The following NXPE2 variants were observed in gnomAD, a reference collection of about 807,000 sequenced individuals.
NXPE2 encodes neurexophilin and PC-esterase domain family member 2, also known as NXPE family member 2.
A neutral mutation model predicts 34.4 loss-of-function variants in NXPE2; 34 were observed. That is an observed-to-expected ratio of 0.99 (90% confidence interval 0.75 to 1.31). NXPE2 has a LOEUF of 1.31. Ranked by LOEUF, NXPE2 falls within the 40% of genes most tolerant of loss-of-function variation. NXPE2 has a pLI of 0.00. For synonymous variants in NXPE2, 235 were observed against 231.3 expected (o/e 1.02, Z -0.15); for missense variants, 649 against 672.5 (o/e 0.97, Z 0.39).
the NXPE2 span, among the ~76,000 whole-genome samples, chr11:114,643,781 T>C: frequency 3.5e-3 from 527 of 152,030 alleles, 1 homozygote; most frequent in Non-Finnish European, 4.9e-3. Flanking sequence ...GTAGTTTTTT[T>C]TTTAATAATT....
At chr11:114,740,434 G>A in the NXPE2 span, among the ~76,000 whole-genome samples, 1 of 152,140 alleles carries the variant, frequency 6.6e-6, no homozygotes, top group Non-Finnish European at 1.5e-5. Flanking sequence ...CGACATGCAA[G>A]TGCAAGTTCT....
the NXPE2 span, among the ~76,000 whole-genome samples, chr11:114,589,431 G>T: frequency 6.6e-6 from 1 of 152,150 alleles, no homozygotes; most frequent in Non-Finnish European, 1.5e-5. Flanking sequence ...CATGAGGGGT[G>T]TGGGGTGTCT....
the NXPE2 span, among the ~76,000 whole-genome samples, chr11:114,712,470 T>C: frequency 6.6e-6 from 1 of 152,190 alleles, no homozygotes; most frequent in Non-Finnish European, 1.5e-5. Context: ...TGAATAGATA[T>C]TTCTTCACAA....
the NXPE2 span, among the ~76,000 whole-genome samples, chr11:114,517,519 C>T: frequency 6.6e-6 from 1 of 152,134 alleles, no homozygotes; most frequent in East Asian, 1.9e-4. Flanking sequence ...TTTTTATGTA[C>T]ACTACCATTT....
the NXPE2 span, among the ~76,000 whole-genome samples, chr11:114,642,276 A>G: frequency 1.3e-5 from 2 of 151,992 alleles, no homozygotes; most frequent in Non-Finnish European, 2.9e-5. Flanking sequence ...CAATTGAGGG[A>G]TACTGTTTAT....
At chr11:114,596,133 G>A in the NXPE2 span, among the ~76,000 whole-genome samples, 11 of 152,174 alleles carry the variant, frequency 7.2e-5, no homozygotes, top group African/African-American at 2.7e-4. Context: ...CAGTTGGCAG[G>A]ATTCAAGTGC....
the NXPE2 span, among the ~76,000 whole-genome samples, chr11:114,552,351 T>C: frequency 6.6e-6 from 1 of 152,108 alleles, no homozygotes; most frequent in East Asian, 1.9e-4. Context: ...CACACTATAT[T>C]GCAATAGATT....
At chr11:114,466,055 C>T in the NXPE2 span, among the ~76,000 whole-genome samples, 3 of 152,010 alleles carry the variant, frequency 2.0e-5, no homozygotes, top group Admixed American at 6.6e-5. Context: ...AGTTTTCAGG[C>T]GTATAGGATT....
At chr11:114,628,900 G>T in the NXPE2 span, among the ~76,000 whole-genome samples, 1 of 151,942 alleles carries the variant, frequency 6.6e-6, no homozygotes, top group Non-Finnish European at 1.5e-5. Context: ...ACACCTCTAT[G>T]CAAATAAACT....
the NXPE2 span, among the ~76,000 whole-genome samples, chr11:114,625,117 G>A: frequency 6.6e-6 from 1 of 152,132 alleles, no homozygotes; most frequent in African/African-American, 2.4e-5. Context: ...ATTGCCTCAT[G>A]GGTAACCACT....
chr11:114,809,185 G>A, the NXPE2 span, among the ~76,000 whole-genome samples: 3 of 151,850 alleles, frequency 2.0e-5, no homozygotes, highest in South Asian at 2.1e-4. Context: ...GTATTGATGG[G>A]ACGTATCTCA....
chr11:114,542,225 G>GTTTA, the NXPE2 span, among the ~76,000 whole-genome samples: 1 of 151,874 alleles, frequency 6.6e-6, no homozygotes, highest in Non-Finnish European at 1.5e-5. Context: ...AAAATTTGTA[G>GTTTA]AGTAAAATGT....
the NXPE2 span, among the ~76,000 whole-genome samples, chr11:114,778,264 C>T: frequency 6.6e-6 from 1 of 152,288 alleles, no homozygotes; most frequent in South Asian, 2.1e-4. Flanking sequence ...GACCTTGACT[C>T]TCTGGCTAGT....
intron 3 of NXPE2, 47 bp from the exon 4 acceptor site, chr11:114,703,944 A>G (rs1429185532): frequency 2.2e-6 from 3 of 1,348,032 alleles, no homozygotes; most frequent in African/African-American, 1.5e-5. Context: ...TTCCTACTTT[A>G]TTATCTGGGC....
At chr11:114,637,539 A>T in the NXPE2 span, among the ~76,000 whole-genome samples, 1 of 150,714 alleles carries the variant, frequency 6.6e-6, no homozygotes, top group Middle Eastern at 3.4e-3. Context: ...TCGTTAGTTG[A>T]TACAGTTTCT....
At chr11:114,542,695 T>A in the NXPE2 span, among the ~76,000 whole-genome samples, 1 of 152,158 alleles carries the variant, frequency 6.6e-6, no homozygotes, top group African/African-American at 2.4e-5. Context: ...AAGAGGTTTA[T>A]AGTTACTTTC....
the NXPE2 span, among the ~76,000 whole-genome samples, chr11:114,620,489 G>T: frequency 6.6e-6 from 1 of 151,800 alleles, no homozygotes; most frequent in Non-Finnish European, 1.5e-5. Flanking sequence ...TTGCCCGGTG[G>T]ATAATAAGTG....
At chr11:114,709,326 T>C (rs1215574292), downstream of NXPE2, among the ~76,000 whole-genome samples, 1 of 152,226 alleles carries the variant, frequency 6.6e-6, no homozygotes, top group Non-Finnish European at 1.5e-5. Context: ...TTATCATTTT[T>C]CGTGGTGAGT....
intron 5 of NXPE2, 141 bp from the exon 6 acceptor site, chr11:114,706,254 C>G: frequency 1.6e-6 from 1 of 629,130 alleles, no homozygotes; most frequent in Non-Finnish European, 2.5e-6. Flanking sequence ...TTGTAATGCA[C>G]CTGGTAAAAT....
Sources: allele counts gnomAD v4.1 joint callset (sites outside exome capture counted in the v4.1 genomes callset), GRCh38; gene constraint gnomAD v4.1.1; transcripts MANE v1.5; gene names NCBI Gene and HGNC (gene_info 2026-07-23, HGNC 2026-07-21).